Variants in CERS3 observed in about 807,000 individuals in gnomAD.
CERS3 encodes LAG1 homolog, ceramide synthase 3.
A neutral mutation model predicts 50.3 loss-of-function variants in CERS3; 33 were observed. The ratio of observed to expected loss-of-function variants is 0.66; its 90% CI spans 0.50 to 0.88. The LOEUF is 0.88. CERS3 is among the 40% of genes least tolerant of loss of function. CERS3 has a pLI of 0.00. For synonymous variants in CERS3, 176 were observed against 155.2 expected (o/e 1.13, Z -0.99); for missense variants, 470 against 460.3 (o/e 1.02, Z -0.19).
chr15:100,451,861 A>G (rs920415879), intron 11 of CERS3, among the ~76,000 whole-genome samples: 2 of 152,152 alleles, frequency 1.3e-5, no homozygotes, highest in African/African-American at 4.8e-5. Flanking sequence ...ACAGACTTTA[A>G]TTCAAAAAAC....
rs141740641 is a variant in CERS3, at chr15:100,429,707, T to C, written c.999+26186A>G. Among the ~76,000 whole-genome samples the C allele has an allele frequency of 3.3e-3, 506 of 152,302 alleles. 1 individual carries two copies. Among genetic ancestry groups the C allele is most frequent in the Non-Finnish European group, 5.2e-3 (356 of 68,032 alleles). On this transcript the variant is annotated intron_variant, in intron 11 of 11. Transcript: ENST00000679737. The stretch of plus-strand genomic sequence containing the variant: ...AGCTAAACATTCCCCCATCCTTCAG[T>C]TGATCCTCACATGACACAGCACGGA...
At chr15:100,426,820 C>T (rs958750366) in intron 11 of CERS3, among the ~76,000 whole-genome samples, 19 of 152,166 alleles carry the variant, frequency 1.2e-4, no homozygotes, top group African/African-American at 4.3e-4. Context: ...TTTTCTCTGG[C>T]CTTCCATAAT....
At chr15:100,459,796 C>T (rs2034491244) in intron 10 of CERS3, among the ~76,000 whole-genome samples, 1 of 152,072 alleles carries the variant, frequency 6.6e-6, no homozygotes, top group East Asian at 1.9e-4. Context: ...TATCAGTCTC[C>T]ACCTAAAATA....
chr15:100,445,880 G>T (rs922871310), intron 11 of CERS3, among the ~76,000 whole-genome samples: 2 of 152,128 alleles, frequency 1.3e-5, no homozygotes, highest in Admixed American at 1.3e-4. Context: ...TGTTCCTGCC[G>T]TAACTGATGA....
At chr15:100,542,959 GC>G (rs2142444468) in intron 1 of CERS3, among the ~76,000 whole-genome samples, 1 of 152,204 alleles carries the variant, frequency 6.6e-6, no homozygotes, top group African/African-American at 2.4e-5. Context: ...TGTCACCCAG[GC>G]CGGAGTGCAG....
chr15:100,441,510 A>G (rs866172152), intron 11 of CERS3, among the ~76,000 whole-genome samples: 86 of 151,586 alleles, frequency 5.7e-4, no homozygotes, highest in Middle Eastern at 3.4e-3. Flanking sequence ...TTCTCTTTAA[A>G]CTTGCCTCCT....
chr15:100,539,609 T>C (rs191676064), intron 1 of CERS3, among the ~76,000 whole-genome samples: 201 of 152,296 alleles, frequency 1.3e-3, no homozygotes, highest in Middle Eastern at 3.4e-3. Context: ...CTCACTATCA[T>C]GAGAAGAGCA....
chr15:100,468,683 C>G (rs2034863749), intron 10 of CERS3, among the ~76,000 whole-genome samples: 1 of 152,196 alleles, frequency 6.6e-6, no homozygotes, highest in Non-Finnish European at 1.5e-5. Context: ...GTCTTCCCCA[C>G]ATGTTACTCT....
chr15:100,507,587 A>G (rs2036221768), intron 2 of CERS3, among the ~76,000 whole-genome samples: 1 of 152,264 alleles, frequency 6.6e-6, no homozygotes, highest in African/African-American at 2.4e-5. Flanking sequence ...ATCCTAGTGT[A>G]CTGGACATGT....
intron 1 of CERS3, among the ~76,000 whole-genome samples, 152 bp from the exon 2 acceptor site, chr15:100,521,908 C>A (rs1237161370): frequency 6.6e-6 from 1 of 152,160 alleles, no homozygotes; most frequent in African/African-American, 2.4e-5. Flanking sequence ...TCAGTTTGGA[C>A]TGGTGCATGG....
chr15:100,442,782 C>A (rs538544318), intron 11 of CERS3, among the ~76,000 whole-genome samples: 4 of 152,242 alleles, frequency 2.6e-5, no homozygotes, highest in South Asian at 4.1e-4. Flanking sequence ...CCGATCACCT[C>A]GGAAGCCCCC....
At chr15:100,427,065 A>C (rs2032854438) in intron 11 of CERS3, among the ~76,000 whole-genome samples, 1 of 152,164 alleles carries the variant, frequency 6.6e-6, no homozygotes, top group African/African-American at 2.4e-5. Context: ...TGGCAAGCCC[A>C]CACCCGTGAC....
chr15:100,501,615 G>A, intron 3 of CERS3, 62 bp downstream of exon 3: 1 of 1,391,350 alleles, frequency 7.2e-7, no homozygotes, highest in East Asian at 2.3e-5. Context: ...GCCTAAGACT[G>A]TATTATTCTA....
intron 11 of CERS3, among the ~76,000 whole-genome samples, chr15:100,432,920 T>C (rs1430732777): frequency 2.0e-5 from 3 of 152,072 alleles, no homozygotes; most frequent in Non-Finnish European, 4.4e-5. Flanking sequence ...ACTTGCAAGG[T>C]ATGTGGTATG....
At chr15:100,485,370 G>A (rs1012216728) in intron 4 of CERS3, among the ~76,000 whole-genome samples, 1 of 152,186 alleles carries the variant, frequency 6.6e-6, no homozygotes, top group African/African-American at 2.4e-5. Flanking sequence ...CAATATGAAT[G>A]ATAGATCTGC....
upstream of CERS3, among the ~76,000 whole-genome samples, chr15:100,532,094 A>G (rs1226687210): frequency 6.6e-6 from 1 of 152,176 alleles, no homozygotes; most frequent in Non-Finnish European, 1.5e-5. Context: ...GGATGCAGGA[A>G]AATTGAGTCT....
rs781556872 is a variant in CERS3 at position 100,427,255 on chromosome 15, C to T, written c.1000-24390G>A. On this transcript the variant is annotated intron_variant, in intron 11 of 11. Coordinates refer to ENST00000679737, the MANE Select transcript of CERS3 (RefSeq NM_001378789.1). ...GCTGGACAGCGCTGCATCCCTGTCT[C>T]GGAGGAGCGAAAGTGCTATTGTTGG... Among the ~76,000 whole-genome samples, 26 of 152,144 alleles carry T rather than the reference C, an allele frequency of 1.7e-4. 2 individuals are homozygous for T. The highest frequency in any genetic ancestry group is 4.1e-4 in the South Asian group (2 of 4,826).
intron 11 of CERS3, among the ~76,000 whole-genome samples, chr15:100,451,704 C>T: frequency 9.1e-6 from 1 of 109,506 alleles, no homozygotes; most frequent in African/African-American, 3.0e-5. Context: ...AAGACTCTGT[C>T]TCAAAAAAAA....
At chr15:100,421,185 C>A (rs1307275065) in intron 11 of CERS3, among the ~76,000 whole-genome samples, 4 of 151,590 alleles carry the variant, frequency 2.6e-5, no homozygotes, top group South Asian at 4.2e-4. Context: ...TAGAAAACCC[C>A]ATTGTCTCAG....
Sources: gnomAD v4.1 joint callset for allele counts (sites outside exome capture counted in the v4.1 genomes callset) on GRCh38, gnomAD v4.1.1 for gene constraint, MANE v1.5 for transcripts, NCBI Gene and HGNC (gene_info 2026-07-23, HGNC 2026-07-21) for gene names.